PGCKA1: variants seen among roughly 807,000 people sequenced by gnomAD.
The protein encoded by PGCKA1 is PDCD10 and GCKIII kinases associated 1, also known as PDCD10 and GCKIII kinases-associated protein 1.
the PGCKA1 span, among the ~76,000 whole-genome samples, chr4:37,483,037 C>T: frequency 6.6e-6 from 1 of 152,314 alleles, no homozygotes; most frequent in South Asian, 2.1e-4. Flanking sequence ...CCATAATCCC[C>T]ATGTGTCATG....
the PGCKA1 span, among the ~76,000 whole-genome samples, chr4:37,455,118 T>TCG: frequency 1.1e-4 from 17 of 152,290 alleles, no homozygotes; most frequent in East Asian, 2.9e-3. Context: ...GAGAAGCATT[T>TCG]GAGAGTTGAA....
At chr4:37,498,757 G>A in the PGCKA1 span, among the ~76,000 whole-genome samples, 3 of 152,142 alleles carry the variant, frequency 2.0e-5, no homozygotes, top group Non-Finnish European at 4.4e-5. Flanking sequence ...TCTAGATATA[G>A]AAGCATGCCA....
the PGCKA1 span, among the ~76,000 whole-genome samples, chr4:37,515,270 TCA>T: frequency 0.049 from 7,453 of 152,200 alleles, 520 homozygotes; most frequent in African/African-American, 0.15. Context: ...CACCCTGATC[TCA>T]GACTTCCAAC....
chr4:37,460,051 T>G, the PGCKA1 span, among the ~76,000 whole-genome samples: 2 of 152,160 alleles, frequency 1.3e-5, no homozygotes, highest in African/African-American at 2.4e-5. Flanking sequence ...GTGTTCTCAT[T>G]GTTCAACTCC....
the PGCKA1 span, among the ~76,000 whole-genome samples, chr4:37,546,963 A>G: frequency 6.6e-6 from 1 of 151,870 alleles, no homozygotes; most frequent in East Asian, 1.9e-4. Context: ...ATTTGAGTGG[A>G]AGTGTGGCCT....
chr4:37,524,551 A>T, the PGCKA1 span, among the ~76,000 whole-genome samples: 1 of 152,310 alleles, frequency 6.6e-6, no homozygotes, highest in Admixed American at 6.5e-5. Context: ...TGCCTTGAGA[A>T]TATCACTCCA....
the PGCKA1 span, among the ~76,000 whole-genome samples, chr4:37,546,688 G>T: frequency 2.0e-5 from 3 of 152,190 alleles, no homozygotes; most frequent in Non-Finnish European, 1.5e-5. Flanking sequence ...TTCCCTGACC[G>T]GGAAGCGAGG....
chr4:37,582,028 C>A, the PGCKA1 span, among the ~76,000 whole-genome samples: 7 of 152,172 alleles, frequency 4.6e-5, no homozygotes, highest in African/African-American at 1.7e-4. Flanking sequence ...GTTTTGCTTT[C>A]TGCTCTGATA....
chr4:37,590,898 A>AGATGGG, the PGCKA1 span: 2 of 1,614,148 alleles, frequency 1.2e-6, no homozygotes. Context: ...GCTCCGATGG[A>AGATGGG]GATGGGGATG....
chr4:37,590,029 G>C, the PGCKA1 span: 1 of 1,214,880 alleles, frequency 8.2e-7, no homozygotes, highest in Non-Finnish European at 1.2e-6. Context: ...AGCAGGGCCT[G>C]TGGTAAAAAG....
the PGCKA1 span, among the ~76,000 whole-genome samples, chr4:37,577,301 A>C: frequency 6.6e-6 from 1 of 151,996 alleles, no homozygotes; most frequent in African/African-American, 2.4e-5. Context: ...TTCAATCTTG[A>C]TAGGTGGTAT....
At chr4:37,486,202 G>A in the PGCKA1 span, among the ~76,000 whole-genome samples, 18 of 152,180 alleles carry the variant, frequency 1.2e-4, no homozygotes. Flanking sequence ...ATCCATCTAA[G>A]CTGAAATTCA....
chr4:37,504,214 A>G, the PGCKA1 span, among the ~76,000 whole-genome samples: 1 of 152,086 alleles, frequency 6.6e-6, no homozygotes, highest in South Asian at 2.1e-4. Context: ...ACTCTTGGCA[A>G]CTTTATCAAA....
At chr4:37,470,972 T>C in the PGCKA1 span, among the ~76,000 whole-genome samples, 1 of 152,214 alleles carries the variant, frequency 6.6e-6, no homozygotes, top group Non-Finnish European at 1.5e-5. Context: ...AGGAAGAAAG[T>C]ATGTCAGCCT....
chr4:37,526,708 A>C, the PGCKA1 span, among the ~76,000 whole-genome samples: 76,268 of 152,000 alleles, frequency 0.5, 19,986 homozygotes, highest in African/African-American at 0.64. Flanking sequence ...ATGCTGTTGT[A>C]AACATACCTG....
chr4:37,471,614 TA>T, the PGCKA1 span, among the ~76,000 whole-genome samples: 1 of 151,936 alleles, frequency 6.6e-6, no homozygotes, highest in South Asian at 2.1e-4. Context: ...AATCCTTAAA[TA>T]AAAATAGAAT....
chr4:37,525,558 A>G, the PGCKA1 span, among the ~76,000 whole-genome samples: 1 of 152,210 alleles, frequency 6.6e-6, no homozygotes, highest in African/African-American at 2.4e-5. Flanking sequence ...ACATTCATGA[A>G]GTCTCAAGTC....
chr4:37,579,014 C>T, the PGCKA1 span, among the ~76,000 whole-genome samples: 22,424 of 151,868 alleles, frequency 0.15, 4,507 homozygotes, highest in African/African-American at 0.45. Context: ...GCCGAGATTG[C>T]GCCATTGCAC....
At chr4:37,508,941 A>T in the PGCKA1 span, among the ~76,000 whole-genome samples, 1 of 150,166 alleles carries the variant, frequency 6.7e-6, no homozygotes. Context: ...ACCGCCCTTA[A>T]TCCATTTAAC....
Sources: gnomAD v4.1 joint callset for allele counts (sites outside exome capture counted in the v4.1 genomes callset) on GRCh38, gnomAD v4.1.1 for gene constraint, MANE v1.5 for transcripts, NCBI Gene and HGNC (gene_info 2026-07-23, HGNC 2026-07-21) for gene names.